The following KCNIP1 variants were observed in gnomAD, a reference collection of about 807,000 sequenced individuals.
KCNIP1 encodes the protein potassium voltage-gated channel interacting protein 1, also known as A-type potassium channel modulatory protein KCNIP1.
KCNIP1 carries 18 observed loss-of-function variants against 33.0 expected under a neutral mutation model. That is an observed-to-expected ratio of 0.55 (90% CI 0.38 to 0.81). KCNIP1 has a LOEUF of 0.81. Among genes scored for constraint, KCNIP1 ranks in the 30% least tolerant of loss-of-function variants. KCNIP1 has a pLI of 0.00. For missense variants in KCNIP1, 238 were observed against 271.6 expected, an observed-to-expected ratio of 0.88 and a Z score of 0.87; for synonymous variants, 93 against 98.3, an observed-to-expected ratio of 0.95 and a Z score of 0.32.
chr5:170,559,492 C>T (rs1756960068), intron 1 of KCNIP1, among the ~76,000 whole-genome samples: 1 of 152,164 alleles, frequency 6.6e-6, no homozygotes. Context: ...CCTCTAAGCA[C>T]ACTCCTATTC....
chr5:170,370,496 T>C (rs749197124), intron 1 of KCNIP1, among the ~76,000 whole-genome samples: 7 of 152,200 alleles, frequency 4.6e-5, no homozygotes, highest in Non-Finnish European at 2.9e-5. Flanking sequence ...AAACATCATT[T>C]AGGGCCATAA....
intron 1 of KCNIP1, among the ~76,000 whole-genome samples, chr5:170,431,556 A>G (rs769299800): frequency 3.3e-5 from 5 of 152,162 alleles, no homozygotes; most frequent in Non-Finnish European, 5.9e-5. Flanking sequence ...TCAATGGAGG[A>G]ACTTAACACT....
intron 1 of KCNIP1, among the ~76,000 whole-genome samples, chr5:170,661,258 G>A (rs779552467): frequency 1.3e-5 from 2 of 152,206 alleles, no homozygotes; most frequent in Non-Finnish European, 2.9e-5. Flanking sequence ...CCACACAGGG[G>A]TCTGTGTGTT....
intron 1 of KCNIP1, among the ~76,000 whole-genome samples, chr5:170,637,225 G>T (rs921342899): frequency 6.6e-6 from 1 of 151,850 alleles, no homozygotes; most frequent in African/African-American, 2.4e-5. Flanking sequence ...CCAGAACCAC[G>T]GCCCTTGACA....
intron 1 of KCNIP1, among the ~76,000 whole-genome samples, chr5:170,468,066 A>AACT (rs1421335111): frequency 6.6e-6 from 1 of 152,196 alleles, no homozygotes; most frequent in Non-Finnish European, 1.5e-5. Flanking sequence ...GTCATATATG[A>AACT]ACTTTTCCTT....
intron 1 of KCNIP1, among the ~76,000 whole-genome samples, chr5:170,618,109 A>T (rs547266193): frequency 6.6e-6 from 1 of 152,218 alleles, no homozygotes; most frequent in Admixed American, 6.5e-5. Context: ...TTTCATTTAC[A>T]TAAGTGTCCT....
chr5:170,478,170 G>T (rs146644025), intron 1 of KCNIP1, among the ~76,000 whole-genome samples: 2 of 152,302 alleles, frequency 1.3e-5, no homozygotes, highest in African/African-American at 4.8e-5. Flanking sequence ...TAGAAGGCCT[G>T]GGGCGGGAAG....
intron 1 of KCNIP1, among the ~76,000 whole-genome samples, chr5:170,663,377 G>A (rs190739330): frequency 5.6e-4 from 86 of 152,246 alleles, no homozygotes; most frequent in African/African-American, 1.9e-3. Flanking sequence ...TGCATGCCAT[G>A]TTTCAGTAAG....
intron 1 of KCNIP1, among the ~76,000 whole-genome samples, chr5:170,534,879 C>G (rs1188866494): frequency 6.6e-6 from 1 of 151,612 alleles, no homozygotes; most frequent in South Asian, 2.1e-4. Context: ...ACTGCCTGGC[C>G]TAGAGTTGAG....
At chr5:170,677,195 T>C (rs931474013) in intron 1 of KCNIP1, among the ~76,000 whole-genome samples, 1 of 152,216 alleles carries the variant, frequency 6.6e-6, no homozygotes, top group African/African-American at 2.4e-5. Flanking sequence ...ATGAAGTACA[T>C]ACTGTGAATG....
At chr5:170,507,758 C>T (rs1265485012) in intron 1 of KCNIP1, among the ~76,000 whole-genome samples, 1 of 152,186 alleles carries the variant, frequency 6.6e-6, no homozygotes, top group Admixed American at 6.5e-5. Flanking sequence ...CCTGGGTGTT[C>T]AGGGAGCGCT....
At chr5:170,528,227 G>T (rs567311446) in intron 1 of KCNIP1, among the ~76,000 whole-genome samples, 1 of 152,056 alleles carries the variant, frequency 6.6e-6, no homozygotes, top group Non-Finnish European at 1.5e-5. Flanking sequence ...CTTCCCTCTC[G>T]CCTCTCCCAT....
At chr5:170,354,274 G>A (rs757375063) in intron 1 of KCNIP1, among the ~76,000 whole-genome samples, 3 of 152,214 alleles carry the variant, frequency 2.0e-5, no homozygotes, top group Non-Finnish European at 4.4e-5. Flanking sequence ...GGCTTAGCGT[G>A]ACTGGAGTTT....
intron 1 of KCNIP1, among the ~76,000 whole-genome samples, chr5:170,605,268 G>C (rs1758862720): frequency 6.6e-6 from 1 of 152,148 alleles, no homozygotes; most frequent in Non-Finnish European, 1.5e-5. Flanking sequence ...ATGACGGCTG[G>C]TCTGGGAACC....
At chr5:170,598,430 T>C (rs527857981) in intron 1 of KCNIP1, among the ~76,000 whole-genome samples, 2 of 152,316 alleles carry the variant, frequency 1.3e-5, no homozygotes, top group South Asian at 4.1e-4. Flanking sequence ...CTGTGGTCCC[T>C]GGAGTTGGAT....
At chr5:170,662,533 C>T (rs1445562508) in intron 1 of KCNIP1, among the ~76,000 whole-genome samples, 2 of 152,178 alleles carry the variant, frequency 1.3e-5, no homozygotes, top group Non-Finnish European at 2.9e-5. Context: ...AGGACTGGGG[C>T]CTTTCCTGCC....
intron 1 of KCNIP1, among the ~76,000 whole-genome samples, chr5:170,392,390 C>T (rs1477941559): frequency 6.6e-6 from 1 of 152,164 alleles, no homozygotes; most frequent in African/African-American, 2.4e-5. Context: ...ATTTGTTATG[C>T]AGTCATAGTA....
chr5:170,669,704 A>G (rs1044457698), intron 1 of KCNIP1: 15 of 935,872 alleles, frequency 1.6e-5, no homozygotes, highest in Non-Finnish European at 1.8e-5. Flanking sequence ...ACAGTGTTAA[A>G]TGCCATTTTA....
At chr5:170,722,193 A>G (rs923376103) in intron 4 of KCNIP1, among the ~76,000 whole-genome samples, 1 of 152,102 alleles carries the variant, frequency 6.6e-6, no homozygotes, top group African/African-American at 2.4e-5. Flanking sequence ...GTATTAATTC[A>G]TTTACTCCAA....
Sources: allele counts gnomAD v4.1 joint callset (sites outside exome capture counted in the v4.1 genomes callset), GRCh38; gene constraint gnomAD v4.1.1; transcripts MANE v1.5; gene names NCBI Gene and HGNC (gene_info 2026-07-23, HGNC 2026-07-21).